The following PIP5K1A variants were observed in gnomAD, a reference collection of about 807,000 sequenced individuals.
PIP5K1A encodes the protein phosphatidylinositol-4-phosphate 5-kinase type 1 alpha.
In PIP5K1A, 46 loss-of-function variants were observed where a neutral mutation model predicts 72.9. That is an observed-to-expected ratio of 0.63 (90% CI 0.50 to 0.81). The LOEUF (loss-of-function observed/expected upper bound fraction) is 0.81, where lower values mean the gene tolerates loss of function less well. Ranked by LOEUF, PIP5K1A falls within the 30% of genes least tolerant of loss-of-function variation. The pLI, the probability that PIP5K1A is intolerant of heterozygous loss-of-function variation, is 0.00. For missense variants in PIP5K1A, 458 were observed against 706.1 expected (o/e 0.65, Z 3.98); for synonymous variants, 228 against 255.1 (o/e 0.89, Z 1.01).
chr1:151,222,458 A>G (rs1048917113), intron 1 of PIP5K1A, among the ~76,000 whole-genome samples: 2 of 152,216 alleles, frequency 1.3e-5, no homozygotes, highest in African/African-American at 4.8e-5. Context: ...TAGGAAAGGT[A>G]GCAAGGTAGA....
At chr1:151,236,823 T>A in intron 9 of PIP5K1A, 60 bp downstream of exon 9, 17 of 645,988 alleles carry the variant, frequency 2.6e-5, no homozygotes, top group Non-Finnish European at 3.8e-5. Flanking sequence ...TTTCTTTTCT[T>A]TTTTTTTTTT....
chr1:151,208,568 T>G (rs1388807501), intron 1 of PIP5K1A, among the ~76,000 whole-genome samples: 1 of 149,882 alleles, frequency 6.7e-6, no homozygotes, highest in African/African-American at 2.5e-5. Flanking sequence ...ACCATGTTGG[T>G]CAGGCTGGTC....
Position 151,216,900 on chromosome 1 carries a change from GTTTTT to G in PIP5K1A, c.86-7319_86-7315del, listed in dbSNP as rs78155966. ...ACCCAAGGTTACCTACTTAGTAAATGTTTTTTTTTTTTTTTTTTTTTTTTTTTTTT... is the reference window on the plus strand; with the variant it reads ...ACCCAAGGTTACCTACTTAGTAAATGTTTTTTTTTTTTTTTTTTTTTTTTT... On this transcript the variant is annotated intron_variant, in intron 1 of 15. Transcript: ENST00000368888. Among the ~76,000 whole-genome samples the G allele has an allele frequency of 2.2e-5, 3 of 136,784 alleles. No individual in the cohort carries two copies. The East Asian group carries it at 6.6e-4, about 30-fold the overall frequency. 89.7% of individuals were successfully genotyped at this position (136,784 alleles called of 152,430 possible).
chr1:151,234,180 T>C lies in PIP5K1A; in HGVS notation c.640-17T>C. On this transcript the variant is annotated splice_polypyrimidine_tract_variant and intron_variant, in intron 7 of 15. Transcript: ENST00000368888. The stretch of plus-strand genomic sequence containing the variant: ...GCTAAGTTGTTCTCCTACTTCTGTT[T>C]CCTTTTGTGTTCTCAGAACCTCAAC... The C allele has an allele frequency of 6.4e-7, 1 of 1,569,880 alleles. No individual in the cohort carries two copies. The highest frequency in any genetic ancestry group is 8.6e-7 in the Non-Finnish European group (1 of 1,157,678).
upstream of PIP5K1A, chr1:151,198,521 C>T (rs928508990): frequency 5.1e-6 from 1 of 194,472 alleles, no homozygotes; most frequent in African/African-American, 2.4e-5. Context: ...GGCTGATGCC[C>T]CGAGAAGGTC....
intron 8 of PIP5K1A, among the ~76,000 whole-genome samples, chr1:151,235,049 CT>C (rs1466324921): frequency 6.6e-6 from 1 of 152,186 alleles, no homozygotes; most frequent in African/African-American, 2.4e-5. Flanking sequence ...CATGCTGCCC[CT>C]GTCACCAATG....
intron 1 of PIP5K1A, chr1:151,216,130 C>T (rs997920289): frequency 5.2e-5 from 24 of 457,534 alleles, no homozygotes; most frequent in Admixed American, 3.1e-4. Context: ...GGGCGGATCA[C>T]GAGGTCAGGA....
intron 1 of PIP5K1A, among the ~76,000 whole-genome samples, chr1:151,214,660 C>T (rs957899433): frequency 5.3e-5 from 8 of 152,046 alleles, no homozygotes; most frequent in Non-Finnish European, 1.2e-4. Context: ...GGATTACAGG[C>T]GTGAGCCACA....
At chr1:151,231,915 C>T (rs1690130445) in intron 5 of PIP5K1A, 114 bp downstream of exon 5, 3 of 969,784 alleles carry the variant, frequency 3.1e-6, no homozygotes, top group Non-Finnish European at 4.9e-6. Flanking sequence ...ATTTCTTAAC[C>T]TGGTTACAAT....
intron 1 of PIP5K1A, among the ~76,000 whole-genome samples, chr1:151,205,442 C>G (rs1275780937): frequency 6.6e-6 from 1 of 151,746 alleles, no homozygotes; most frequent in African/African-American, 2.4e-5. Context: ...TCCCAAAGTT[C>G]TGAGATTACA....
At chr1:151,247,335 G>A (rs587748059) in intron 15 of PIP5K1A, among the ~76,000 whole-genome samples, 6 of 152,058 alleles carry the variant, frequency 3.9e-5, no homozygotes, top group African/African-American at 1.4e-4. Context: ...CATCATATTG[G>A]ACAGGCTGGT....
intron 12 of PIP5K1A, among the ~76,000 whole-genome samples, chr1:151,240,822 A>G (rs1045279682): frequency 6.6e-6 from 1 of 152,202 alleles, no homozygotes; most frequent in African/African-American, 2.4e-5. Flanking sequence ...ACAAGTATCA[A>G]TTATTTAGTG....
chr1:151,243,127 G>A (rs1420609281), intron 14 of PIP5K1A, among the ~76,000 whole-genome samples: 3 of 152,184 alleles, frequency 2.0e-5, no homozygotes, highest in Non-Finnish European at 4.4e-5. Flanking sequence ...TTACCCATGG[G>A]TGTGAATACC....
chr1:151,220,162 G>C (rs1688214309), intron 1 of PIP5K1A, among the ~76,000 whole-genome samples: 1 of 151,534 alleles, frequency 6.6e-6, no homozygotes, highest in Non-Finnish European at 1.5e-5. Context: ...GTGTCATCAT[G>C]CTTGGCTACT....
upstream of PIP5K1A, among the ~76,000 whole-genome samples, chr1:151,197,314 T>C (rs187994662): frequency 2.7e-3 from 417 of 152,000 alleles, 4 homozygotes; most frequent in Middle Eastern, 0.01. Context: ...AGTTTCGCTC[T>C]GTCGTCCAGG....
rs754376780 is a variant in PIP5K1A, at chr1:151,236,539, G to GT, written c.940-12dup. On this transcript the variant is annotated intron_variant, in intron 8 of 15. Coordinates refer to ENST00000368888, the MANE Select transcript of PIP5K1A (RefSeq NM_001135638.2). Reference sequence around the variant, plus strand: ...TTATTTCTTCCAAGGCTCAGATCATGTTTTTTTCCTTCCATTAGGTGCTGC... The same window carrying GT: ...TTATTTCTTCCAAGGCTCAGATCATGTTTTTTTTCCTTCCATTAGGTGCTGC... The GT allele has an allele frequency of 5.9e-6, 9 of 1,534,712 alleles. No homozygotes were observed. In the Admixed American group the frequency reaches 8.7e-5, roughly 15 times the overall value.
At chr1:151,227,164 CT>C in intron 3 of PIP5K1A, 155 bp from the exon 4 acceptor site, 3 of 523,390 alleles carry the variant, frequency 5.7e-6, no homozygotes, top group South Asian at 2.9e-5. Context: ...AACATTATAG[CT>C]GTATATTTGC....
intron 12 of PIP5K1A, among the ~76,000 whole-genome samples, chr1:151,241,695 G>C (rs1691731822): frequency 6.6e-6 from 1 of 151,792 alleles, no homozygotes. Flanking sequence ...AGCTACCCAG[G>C]AGGCTGAGGC....
At chr1:151,228,380 C>T (rs1689470660) in intron 4 of PIP5K1A, among the ~76,000 whole-genome samples, 3 of 152,086 alleles carry the variant, frequency 2.0e-5, no homozygotes, top group Admixed American at 2.0e-4. Flanking sequence ...AAACTCCTGC[C>T]CTCAAGCATT....
Sources: allele counts gnomAD v4.1 joint callset (sites outside exome capture counted in the v4.1 genomes callset), GRCh38; gene constraint gnomAD v4.1.1; transcripts MANE v1.5; gene names NCBI Gene and HGNC (gene_info 2026-07-23, HGNC 2026-07-21).